The following SYNPO2 variants were observed in gnomAD, a reference collection of about 807,000 sequenced individuals.
The protein encoded by SYNPO2 is synaptopodin-2.
A neutral mutation model predicts 85.0 loss-of-function variants in SYNPO2; 56 were observed. That is an observed-to-expected ratio of 0.66 (90% CI 0.53 to 0.82). SYNPO2 has a LOEUF of 0.82. SYNPO2 is among the 40% of genes least tolerant of loss of function. The pLI is 0.00. For synonymous variants in SYNPO2, 602 were observed against 591.1 expected (o/e 1.02, Z -0.27); for missense variants, 1,575 against 1,534.2 (o/e 1.03, Z -0.44).
chr4:118,919,688 G>T (rs1308189550), intron 1 of SYNPO2, among the ~76,000 whole-genome samples: 1 of 152,214 alleles, frequency 6.6e-6, no homozygotes, highest in Non-Finnish European at 1.5e-5. Context: ...TTTCTAGAAG[G>T]TGGAATATAT....
chr4:119,037,485 C>A, intron 4 of SYNPO2: 3 of 1,024,382 alleles, frequency 2.9e-6, no homozygotes, highest in Non-Finnish European at 3.5e-6. Context: ...TCAGGATACA[C>A]GGTAGAAGTC....
At chr4:118,983,598 T>C (rs572363914) in intron 1 of SYNPO2, among the ~76,000 whole-genome samples, 2 of 152,326 alleles carry the variant, frequency 1.3e-5, no homozygotes, top group East Asian at 1.9e-4. Context: ...ATAACAAGCA[T>C]ACTCACTCGC....
intron 1 of SYNPO2, chr4:119,005,982 A>G (rs1270152780): frequency 6.6e-6 from 1 of 152,430 alleles, no homozygotes; most frequent in Non-Finnish European, 1.5e-5. Flanking sequence ...GTGTCCATGC[A>G]GAGAAACTGA....
chr4:119,035,943 T>G (rs575710706), intron 4 of SYNPO2: 1 of 985,252 alleles, frequency 1.0e-6, no homozygotes, highest in Non-Finnish European at 1.2e-6. Flanking sequence ...CTAAGAGGCA[T>G]GTCGAACACT....
chr4:118,959,768 C>G (rs1389066210), intron 1 of SYNPO2, among the ~76,000 whole-genome samples: 1 of 152,194 alleles, frequency 6.6e-6, no homozygotes, highest in Non-Finnish European at 1.5e-5. Flanking sequence ...CTATCAACTT[C>G]TATCTGTTGG....
intron 1 of SYNPO2, among the ~76,000 whole-genome samples, chr4:118,875,509 A>G (rs1055750844): frequency 6.6e-6 from 1 of 152,224 alleles, no homozygotes; most frequent in Non-Finnish European, 1.5e-5. Context: ...GTGCCCCAAA[A>G]CAGGAATTCT....
intron 1 of SYNPO2, among the ~76,000 whole-genome samples, chr4:118,977,528 G>A (rs888751706): frequency 6.6e-6 from 1 of 152,250 alleles, no homozygotes; most frequent in Non-Finnish European, 1.5e-5. Flanking sequence ...CTCCTCAAAT[G>A]CCACCAAAGT....
At chr4:118,963,423 T>C (rs1735181016) in intron 1 of SYNPO2, among the ~76,000 whole-genome samples, 2 of 152,272 alleles carry the variant, frequency 1.3e-5, no homozygotes, top group Admixed American at 6.5e-5. Context: ...TGAATAAATC[T>C]GAAATAATAA....
At chr4:118,885,469 C>CTTTTTTTTTTTTTTTTTTTTTTTTT (rs200816127), upstream of SYNPO2, among the ~76,000 whole-genome samples, 2 of 140,932 alleles carry the variant, frequency 1.4e-5, no homozygotes. Context: ...ATCCATAGGT[C>CTTTTTTTTTTTTTTTTTTTTTTTTT]TTTTTTTTTT....
intron 1 of SYNPO2, among the ~76,000 whole-genome samples, chr4:118,873,831 T>C (rs919743828): frequency 6.6e-6 from 1 of 152,230 alleles, no homozygotes; most frequent in Non-Finnish European, 1.5e-5. Context: ...GTTTCAGGTC[T>C]TTAATTCACC....
In SYNPO2 at chr4:118,879,039, C is replaced by G. The variant is rs114919248; in HGVS notation, c.12+28099C>G. ...AACCCACAGGGAGGAATGAACAACT[C>G]CGGAGGCACCACCTTTAAGAGCTGT... is the stretch of plus-strand genomic sequence containing the variant. On this transcript the variant is annotated intron_variant, in intron 1 of 4. Coordinates refer to the SYNPO2 transcript ENST00000610556. Among the ~76,000 whole-genome samples, 1,364 of 152,220 alleles carry G rather than the reference C, an allele frequency of 9.0e-3. 24 individuals are homozygous for G. Among genetic ancestry groups the G allele is most frequent in the African/African-American group, 0.031 (1,282 of 41,510 alleles).
intron 1 of SYNPO2, among the ~76,000 whole-genome samples, chr4:118,864,256 AC>A (rs1382940427): frequency 6.6e-6 from 1 of 152,146 alleles, no homozygotes; most frequent in African/African-American, 2.4e-5. Context: ...ATGTGTTTGT[AC>A]AGTTTCTAAA....
intron 4 of SYNPO2, among the ~76,000 whole-genome samples, chr4:119,045,192 A>G (rs1311344420): frequency 2.6e-5 from 4 of 152,240 alleles, no homozygotes; most frequent in African/African-American, 4.8e-5. Context: ...TCACATAATT[A>G]TAACTGAATA....
At chr4:119,013,634 C>T (rs937713301) in intron 1 of SYNPO2, among the ~76,000 whole-genome samples, 4 of 152,238 alleles carry the variant, frequency 2.6e-5, no homozygotes, top group African/African-American at 7.2e-5. Flanking sequence ...GAGAAACTCT[C>T]ATCTGCCACT....
At chr4:119,056,926 C>T (rs1336427737) in intron 4 of SYNPO2, among the ~76,000 whole-genome samples, 1 of 152,102 alleles carries the variant, frequency 6.6e-6, no homozygotes, top group Admixed American at 6.5e-5. Context: ...GAGTAAAAAG[C>T]TCAGTAATGT....
At chr4:118,906,897 C>A (rs1732955532) in intron 1 of SYNPO2, among the ~76,000 whole-genome samples, 1 of 152,068 alleles carries the variant, frequency 6.6e-6, no homozygotes, top group Non-Finnish European at 1.5e-5. Context: ...TCACTACAGC[C>A]TCCAACTCCA....
At chr4:118,952,367 CT>C (rs1000134731) in intron 1 of SYNPO2, among the ~76,000 whole-genome samples, 1 of 151,592 alleles carries the variant, frequency 6.6e-6, no homozygotes, top group Non-Finnish European at 1.5e-5. Context: ...TAAGAGTAAA[CT>C]TTTTTTAAAA....
chr4:118,925,925 C>T (rs573248415), intron 1 of SYNPO2, among the ~76,000 whole-genome samples: 3 of 152,152 alleles, frequency 2.0e-5, no homozygotes, highest in East Asian at 3.9e-4. Flanking sequence ...TTAAAATAAA[C>T]GTCTAAGAAG....
At chr4:119,036,078 C>T (rs1309043796) in intron 4 of SYNPO2, 1 of 985,378 alleles carries the variant, frequency 1.0e-6, no homozygotes, top group East Asian at 1.1e-4. Flanking sequence ...CAGTTATAAA[C>T]TAGGGCTCCT....
Sources: gnomAD v4.1 joint callset for allele counts (sites outside exome capture counted in the v4.1 genomes callset) on GRCh38, gnomAD v4.1.1 for gene constraint, MANE v1.5 for transcripts, NCBI Gene and HGNC (gene_info 2026-07-23, HGNC 2026-07-21) for gene names.